Variants in DEAF1 observed in about 807,000 individuals in gnomAD.
DEAF1 encodes DEAF1 transcription factor.
DEAF1 carries 53 observed loss-of-function variants against 58.9 expected under a neutral mutation model. The observed-to-expected ratio is 0.90, with a 90% CI of 0.72 to 1.13. The LOEUF (loss-of-function observed/expected upper bound fraction) is 1.13. Ranked by LOEUF, DEAF1 falls within the 50% of genes most tolerant of loss-of-function variation. The pLI is 0.00. For synonymous variants in DEAF1, 385 were observed against 340.4 expected, an observed-to-expected ratio of 1.13 and a Z score of -1.44; for missense variants, 685 against 791.4, an observed-to-expected ratio of 0.87 and a Z score of 1.61.
intron 1 of DEAF1, chr11:700,971 G>A (rs1479709611): frequency 4.5e-6 from 2 of 448,650 alleles, no homozygotes; most frequent in Admixed American, 4.2e-5. Flanking sequence ...CTGGGTAATG[G>A]CACTGAGATC....
At chr11:647,010 T>G (rs1270459753) in intron 11 of DEAF1, among the ~76,000 whole-genome samples, 1 of 151,752 alleles carries the variant, frequency 6.6e-6, no homozygotes, top group Non-Finnish European at 1.5e-5. Flanking sequence ...TGTTTTAAAA[T>G]TAGCTGGGTG....
At chr11:692,058 C>A (rs998370106) in intron 1 of DEAF1, among the ~76,000 whole-genome samples, 1 of 152,148 alleles carries the variant, frequency 6.6e-6, no homozygotes, top group African/African-American at 2.4e-5. Context: ...AGGGGTCAGG[C>A]CACCATCGTC....
intron 5 of DEAF1, among the ~76,000 whole-genome samples, chr11:685,629 A>C (rs1055233225): frequency 2.0e-5 from 3 of 152,132 alleles, no homozygotes; most frequent in African/African-American, 7.2e-5. Context: ...CGGGAGGCAG[A>C]GGTTACAGTG....
intron 7 of DEAF1, 42 bp from the exon 8 acceptor site, chr11:679,858 G>A (rs369724117): frequency 7.8e-5 from 125 of 1,608,780 alleles, no homozygotes; most frequent in Middle Eastern, 5.0e-4. Flanking sequence ...AGGCAGTGGC[G>A]CCCACGGCAC....
At chr11:664,211 C>T (rs967063064) in intron 10 of DEAF1, among the ~76,000 whole-genome samples, 1 of 150,088 alleles carries the variant, frequency 6.7e-6, no homozygotes, top group Non-Finnish European at 1.5e-5. Context: ...GAAACTCTGT[C>T]TCAAGAAAAA....
intron 1 of DEAF1, chr11:703,538 C>T: frequency 8.1e-7 from 1 of 1,235,098 alleles, no homozygotes; most frequent in Non-Finnish European, 1.0e-6. Context: ...CTGCATCCCC[C>T]ATCACCCCCT....
chr11:647,732 G>C (rs1037971898), intron 11 of DEAF1, among the ~76,000 whole-genome samples: 29 of 152,224 alleles, frequency 1.9e-4, no homozygotes, highest in Non-Finnish European at 4.1e-4. Context: ...TCATGTGCAC[G>C]TCTCACATTT....
At chr11:648,137 G>C (rs72479388) in intron 11 of DEAF1, among the ~76,000 whole-genome samples, 12 of 151,582 alleles carry the variant, frequency 7.9e-5, no homozygotes, top group South Asian at 2.1e-4. Context: ...GCATAAACTC[G>C]TGTATACTTT....
chr11:665,387 G>A (rs1172568778), intron 10 of DEAF1, among the ~76,000 whole-genome samples: 4 of 152,202 alleles, frequency 2.6e-5, no homozygotes, highest in East Asian at 1.9e-4. Flanking sequence ...TGAATGACAC[G>A]TCCGATACAC....
chr11:653,116 A>T (rs1858862256), intron 11 of DEAF1, among the ~76,000 whole-genome samples: 1 of 147,978 alleles, frequency 6.8e-6, no homozygotes, highest in African/African-American at 2.5e-5. Flanking sequence ...AAAAAGAGTG[A>T]CTAAATGCTC....
chr11:667,478 A>T (rs762759413), intron 10 of DEAF1, among the ~76,000 whole-genome samples: 10 of 152,086 alleles, frequency 6.6e-5, no homozygotes, highest in Non-Finnish European at 8.8e-5. Flanking sequence ...GCTGGCCAGA[A>T]GATGATGGAA....
chr11:667,131 T>C (rs891511713), intron 10 of DEAF1, among the ~76,000 whole-genome samples: 2 of 151,668 alleles, frequency 1.3e-5, no homozygotes, highest in Admixed American at 6.6e-5. Flanking sequence ...GCCAAGGAGT[T>C]TGCGGCCAGC....
At chr11:699,011 G>C (rs1247321914), upstream of DEAF1, 4 of 1,191,770 alleles carry the variant, frequency 3.4e-6, no homozygotes, top group Admixed American at 1.7e-5. Flanking sequence ...TTTGGAGAGG[G>C]GGGTGTTCCT....
chr11:674,389 T>A, intron 10 of DEAF1, 147 bp downstream of exon 10: 1 of 1,136,178 alleles, frequency 8.8e-7, no homozygotes, highest in Admixed American at 1.9e-5. Flanking sequence ...GCTTCATTTG[T>A]AAATGACTCT....
chr11:676,355 C>CCCAAGCACCTGACATCA, intron 9 of DEAF1, among the ~76,000 whole-genome samples: 1 of 135,498 alleles, frequency 7.4e-6, no homozygotes, highest in Non-Finnish European at 1.6e-5. Flanking sequence ...ACCTGACATC[C>CCCAAGCACCTGACATCA]CCGAGCACTC....
At position 674,671 on chromosome 11, in the gene DEAF1, T is replaced by C. The variant is rs759129663; in HGVS notation, c.1368A>G (p.Leu456=). The C allele has an allele frequency of 1.9e-6, 3 of 1,614,076 alleles. No individual in the cohort carries two copies. The highest frequency in any genetic ancestry group is 4.5e-5 in the East Asian group (2 of 44,880). The part of the protein sequence containing the change: ...ELSEPRSWLY[L]EEMVNSLLNT... ...TGAGCAAGGAGTTGACCATCTCTTC[T>C]AGGTACAGCCAGCTCCGCGGCTCTG... Residue 456 remains leucine, a synonymous_variant, in exon 10 of 12, where the codon CTA becomes CTG. Coordinates refer to ENST00000382409, the MANE Select transcript of DEAF1 (RefSeq NM_021008.4).
At chr11:679,624 G>C in intron 8 of DEAF1, 64 bp downstream of exon 8, 2 of 1,601,060 alleles carry the variant, frequency 1.2e-6, no homozygotes, top group Non-Finnish European at 1.7e-6. Flanking sequence ...TGTGGCGTCG[G>C]GGATGTGATG....
At chr11:677,832 G>A (rs866098508) in intron 9 of DEAF1, among the ~76,000 whole-genome samples, 18 of 151,726 alleles carry the variant, frequency 1.2e-4, no homozygotes, top group African/African-American at 4.1e-4. Flanking sequence ...GCATGGTGGC[G>A]TGCACCTGTA....
At position 674,628 on chromosome 11, in the gene DEAF1, T is replaced by G; in HGVS notation, c.1411A>C (p.Lys471Gln). 1 of 1,614,158 alleles carries G rather than the reference T, an allele frequency of 6.2e-7. No individual in the cohort carries two copies. The highest frequency in any genetic ancestry group is 8.5e-7 in the Non-Finnish European group (1 of 1,180,016). Residue 471 changes from lysine to glutamine, a missense_variant, in exon 10 of 12, where the codon AAG becomes CAG. Physicochemically the swap from Lys to Gln is moderately conservative, Grantham distance 53. Transcript: ENST00000382409. ...TGCTTGGCTTGCTCAAACAGCGTCT[T>G]CAGCTGCTGCGCTGTGTTGAGCAAG... Reference protein sequence around the residue: ...NSLLNTAQQLKTLFEQAKHAS... With the variant: ...NSLLNTAQQLQTLFEQAKHAS...
Sources: allele counts gnomAD v4.1 joint callset (sites outside exome capture counted in the v4.1 genomes callset), GRCh38; gene constraint gnomAD v4.1.1; transcripts MANE v1.5; gene names NCBI Gene and HGNC (gene_info 2026-07-23, HGNC 2026-07-21).